LIMA1: variants seen among roughly 807,000 people sequenced by gnomAD.
LIMA1 encodes the protein LIM domain and actin-binding protein 1.
LIMA1 carries 52 observed loss-of-function variants against 62.6 expected under a neutral mutation model. The observed-to-expected ratio is 0.83, with a 90% confidence interval of 0.67 to 1.05. The LOEUF is 1.05. Ranked by LOEUF, LIMA1 falls within the 50% of genes least tolerant of loss-of-function variation. The probability of loss-of-function intolerance (pLI) is 0.00; values close to 1 mark genes in which losing one functional copy is unlikely to be tolerated. For missense variants in LIMA1, 780 were observed against 902.2 expected, an observed-to-expected ratio of 0.86 and a Z score of 1.74; for synonymous variants, 302 against 317.8, an observed-to-expected ratio of 0.95 and a Z score of 0.53.
intron 1 of LIMA1, among the ~76,000 whole-genome samples, chr12:50,262,397 A>G (rs1456806335): frequency 6.6e-6 from 1 of 152,090 alleles, no homozygotes; most frequent in Non-Finnish European, 1.5e-5. Context: ...GAAGGGCTCA[A>G]AAAACCCACA....
intron 10 of LIMA1, among the ~76,000 whole-genome samples, chr12:50,181,346 C>T (rs1940497495): frequency 6.6e-6 from 1 of 152,160 alleles, no homozygotes; most frequent in South Asian, 2.1e-4. Context: ...ATCTTGGTTA[C>T]TTCCTTCTGT....
intron 4 of LIMA1, among the ~76,000 whole-genome samples, chr12:50,210,960 T>C (rs771152751): frequency 3.3e-5 from 5 of 152,166 alleles, no homozygotes; most frequent in Non-Finnish European, 7.3e-5. Flanking sequence ...TTTCATGATA[T>C]CGCAGGTTCA....
chr12:50,200,684 C>T, intron 7 of LIMA1, 93 bp downstream of exon 7: 3 of 1,397,148 alleles, frequency 2.1e-6, no homozygotes, highest in Non-Finnish European at 3.0e-6. Flanking sequence ...CCCAGACACT[C>T]TACAGCCTAG....
intron 1 of LIMA1, among the ~76,000 whole-genome samples, chr12:50,260,915 T>C (rs533697792): frequency 7.7e-6 from 1 of 129,386 alleles, no homozygotes; most frequent in East Asian, 2.1e-4. Context: ...CTTGGGCAAG[T>C]TTAATAACTT....
intron 2 of LIMA1, among the ~76,000 whole-genome samples, chr12:50,245,269 C>T (rs539821613): frequency 3.3e-4 from 50 of 151,682 alleles, no homozygotes; most frequent in Admixed American, 1.3e-3. Flanking sequence ...AAAAATTAGA[C>T]GGGCATGGTG....
intron 7 of LIMA1, among the ~76,000 whole-genome samples, chr12:50,196,683 G>A (rs778135788): frequency 1.3e-4 from 20 of 152,094 alleles, no homozygotes; most frequent in Middle Eastern, 3.2e-3. Flanking sequence ...CAGATGCCAC[G>A]GATTTTATGG....
intron 1 of LIMA1, among the ~76,000 whole-genome samples, chr12:50,252,818 C>T (rs901514114): frequency 2.0e-5 from 3 of 152,124 alleles, no homozygotes; most frequent in Admixed American, 1.3e-4. Context: ...ACCACAGTCT[C>T]TCTGGTGGAA....
intron 7 of LIMA1, among the ~76,000 whole-genome samples, chr12:50,198,234 TA>T (rs1421124839): frequency 6.6e-6 from 1 of 152,212 alleles, no homozygotes; most frequent in African/African-American, 2.4e-5. Flanking sequence ...TCCTACTTTG[TA>T]AAGTCTGTTG....
At chr12:50,243,886 T>A (rs1222993838) in intron 2 of LIMA1, among the ~76,000 whole-genome samples, 1 of 152,082 alleles carries the variant, frequency 6.6e-6, no homozygotes, top group African/African-American at 2.4e-5. Context: ...TAGTTTTTGT[T>A]AGGATTCAAA....
chr12:50,270,398 A>C (rs545858059), intron 1 of LIMA1, among the ~76,000 whole-genome samples: 6 of 151,954 alleles, frequency 3.9e-5, no homozygotes, highest in Non-Finnish European at 7.4e-5. Flanking sequence ...CAGGAGTTCA[A>C]GACCAGCCTG....
intron 1 of LIMA1, among the ~76,000 whole-genome samples, chr12:50,249,204 A>C (rs375921921): frequency 7.9e-5 from 12 of 152,292 alleles, no homozygotes; most frequent in African/African-American, 2.9e-4. Flanking sequence ...GCTCTGCAGC[A>C]CTGGCCACTC....
chr12:50,228,395 C>T (rs1430242033), intron 3 of LIMA1, among the ~76,000 whole-genome samples: 3 of 152,186 alleles, frequency 2.0e-5, no homozygotes, highest in African/African-American at 7.2e-5. Flanking sequence ...TGACCAATGA[C>T]CTTCATGTTG....
intron 4 of LIMA1, among the ~76,000 whole-genome samples, chr12:50,213,270 T>G (rs1941289276): frequency 6.6e-6 from 1 of 152,246 alleles, no homozygotes; most frequent in Admixed American, 6.5e-5. Context: ...TTTGAGAACA[T>G]AGCTGTTTTT....
Position 50,239,785 on chromosome 12 carries a change from C to T in LIMA1, c.120-8075G>A, listed in dbSNP as rs893529101. ...CCAAGGCAGGCCAATCACTTGAGCC[C>T]GGGAGTTTGAGAAAAGCCTAGGCAA... On this transcript the variant is annotated intron_variant, in intron 2 of 10. Transcript: ENST00000341247. Among the ~76,000 whole-genome samples the T allele has an allele frequency of 3.9e-5, 6 of 152,026 alleles. No homozygotes were observed. In the East Asian group the frequency reaches 5.8e-4, roughly 15 times the overall value.
intron 7 of LIMA1, among the ~76,000 whole-genome samples, chr12:50,196,785 C>T (rs903308132): frequency 2.0e-5 from 3 of 152,172 alleles, no homozygotes; most frequent in East Asian, 1.9e-4. Context: ...TGAATTTCAG[C>T]GTGGTTATTT....
At chr12:50,209,317 C>T (rs1175439467) in intron 4 of LIMA1, among the ~76,000 whole-genome samples, 2 of 151,736 alleles carry the variant, frequency 1.3e-5, no homozygotes, top group African/African-American at 4.8e-5. Flanking sequence ...CACCTGTAAT[C>T]CCAGCACTTT....
intron 2 of LIMA1, among the ~76,000 whole-genome samples, chr12:50,243,990 C>T (rs1390145920): frequency 6.6e-6 from 1 of 152,084 alleles, no homozygotes; most frequent in Non-Finnish European, 1.5e-5. Context: ...TCTTGGCTCA[C>T]CACAACCTCC....
At chr12:50,233,307 T>C (rs1396076482) in intron 2 of LIMA1, among the ~76,000 whole-genome samples, 1 of 149,782 alleles carries the variant, frequency 6.7e-6, no homozygotes, top group Non-Finnish European at 1.5e-5. Context: ...GAAGATTAAA[T>C]GTAATCATGT....
chr12:50,261,504 C>T (rs1942073189), intron 1 of LIMA1, among the ~76,000 whole-genome samples: 2 of 152,136 alleles, frequency 1.3e-5, no homozygotes, highest in Non-Finnish European at 2.9e-5. Context: ...CCCCCGAGGA[C>T]ACTGCTACCC....
Sources: allele counts gnomAD v4.1 joint callset (sites outside exome capture counted in the v4.1 genomes callset), GRCh38; gene constraint gnomAD v4.1.1; transcripts MANE v1.5; gene names NCBI Gene and HGNC (gene_info 2026-07-23, HGNC 2026-07-21).